SLC25A21: variants seen among roughly 807,000 people sequenced by gnomAD.
The protein encoded by SLC25A21 is solute carrier family 25 member 21.
Under a neutral mutation model 43.8 loss-of-function variants are expected in SLC25A21, and 47 were observed. The observed-to-expected ratio is 1.07, with a 90% confidence interval of 0.85 to 1.37. SLC25A21 has a LOEUF of 1.37. Ranked by LOEUF, SLC25A21 falls within the 40% of genes most tolerant of loss-of-function variation. The pLI is 0.00. For missense variants in SLC25A21, 352 were observed against 350.2 expected, an observed-to-expected ratio of 1.00 and a Z score of -0.04; for synonymous variants, 131 against 121.3, an observed-to-expected ratio of 1.08 and a Z score of -0.52.
chr14:36,748,000 T>C (rs1327429830), intron 3 of SLC25A21, among the ~76,000 whole-genome samples: 1 of 152,224 alleles, frequency 6.6e-6, no homozygotes, highest in East Asian at 1.9e-4. Context: ...TGCACAATGC[T>C]TTACAATTAT....
chr14:36,785,224 T>A (rs1887204523), intron 3 of SLC25A21, among the ~76,000 whole-genome samples: 1 of 152,204 alleles, frequency 6.6e-6, no homozygotes, highest in African/African-American at 2.4e-5. Context: ...TGGGGCAAAG[T>A]GAACCACATG....
chr14:37,109,615 G>C (rs1426538918), intron 1 of SLC25A21, among the ~76,000 whole-genome samples: 1 of 152,140 alleles, frequency 6.6e-6, no homozygotes, highest in Admixed American at 6.6e-5. Flanking sequence ...ATTAATGAAT[G>C]ATGTTGTGCA....
intron 3 of SLC25A21, among the ~76,000 whole-genome samples, chr14:36,753,901 TGGC>T (rs1885810851): frequency 7.0e-6 from 1 of 142,242 alleles, no homozygotes; most frequent in South Asian, 2.3e-4. Flanking sequence ...AATCTTGAGA[TGGC>T]TCTCTCACTG....
intron 3 of SLC25A21, among the ~76,000 whole-genome samples, chr14:36,786,966 C>T (rs1185730647): frequency 2.0e-5 from 3 of 152,198 alleles, no homozygotes; most frequent in East Asian, 3.8e-4. Context: ...ATAAAATAAA[C>T]ACACACAGCC....
At chr14:37,149,545 A>T (rs1408479594) in intron 1 of SLC25A21, among the ~76,000 whole-genome samples, 1 of 152,036 alleles carries the variant, frequency 6.6e-6, no homozygotes, top group Non-Finnish European at 1.5e-5. Context: ...AAATACAAAA[A>T]TTAGCTGGGC....
chr14:36,996,963 T>C (rs935444930), intron 1 of SLC25A21, among the ~76,000 whole-genome samples: 2 of 152,066 alleles, frequency 1.3e-5, no homozygotes, highest in Admixed American at 1.3e-4. Context: ...TTGACTTCAC[T>C]AAGGGTAAGA....
chr14:36,821,432 T>C (rs568718587), intron 2 of SLC25A21, among the ~76,000 whole-genome samples: 1 of 152,288 alleles, frequency 6.6e-6, no homozygotes, highest in South Asian at 2.1e-4. Context: ...AGCTTTACTC[T>C]TCCAAGTTGA....
chr14:37,135,584 G>C (rs1200791714), intron 1 of SLC25A21, among the ~76,000 whole-genome samples: 2 of 152,120 alleles, frequency 1.3e-5, no homozygotes, highest in Non-Finnish European at 2.9e-5. Context: ...AAATTTACTT[G>C]ACATCATTTT....
intron 1 of SLC25A21, among the ~76,000 whole-genome samples, chr14:37,038,011 C>T (rs147009873): frequency 4.0e-4 from 61 of 152,268 alleles, no homozygotes; most frequent in African/African-American, 1.3e-3. Flanking sequence ...AAACTTAAAG[C>T]TCCCTGTGGG....
chr14:37,136,843 C>T (rs1963488983), intron 1 of SLC25A21, among the ~76,000 whole-genome samples: 1 of 151,960 alleles, frequency 6.6e-6, no homozygotes, highest in Non-Finnish European at 1.5e-5. Flanking sequence ...GTAAGACATT[C>T]TGGAAAAGAA....
At chr14:36,849,717 T>C (rs564066546) in intron 2 of SLC25A21, among the ~76,000 whole-genome samples, 1 of 152,322 alleles carries the variant, frequency 6.6e-6, no homozygotes, top group African/African-American at 2.4e-5. Context: ...TATCTAGATC[T>C]CTGGTGGCCC....
chr14:37,078,052 A>C (rs1455469914), intron 1 of SLC25A21, among the ~76,000 whole-genome samples: 1 of 152,190 alleles, frequency 6.6e-6, no homozygotes, highest in Non-Finnish European at 1.5e-5. Context: ...AACTAGAGAC[A>C]GTGGATTTAA....
At chr14:36,915,320 G>A (rs1482025130) in intron 1 of SLC25A21, among the ~76,000 whole-genome samples, 2 of 152,096 alleles carry the variant, frequency 1.3e-5, no homozygotes, top group Admixed American at 6.6e-5. Context: ...GAATTAACCT[G>A]TCTTTAACAA....
intron 7 of SLC25A21, among the ~76,000 whole-genome samples, chr14:36,704,859 T>C (rs1175147734): frequency 6.6e-6 from 1 of 152,092 alleles, no homozygotes; most frequent in Non-Finnish European, 1.5e-5. Context: ...TATCTGAAAA[T>C]GGCAGTTATT....
intron 3 of SLC25A21, among the ~76,000 whole-genome samples, chr14:36,755,002 C>G (rs1243978707): frequency 5.3e-5 from 8 of 152,018 alleles, no homozygotes; most frequent in Non-Finnish European, 8.8e-5. Flanking sequence ...ACTGTAAATG[C>G]TCAGAAAATA....
chr14:37,143,285 G>C (rs1468762798), intron 1 of SLC25A21, among the ~76,000 whole-genome samples: 2 of 152,204 alleles, frequency 1.3e-5, no homozygotes, highest in African/African-American at 4.8e-5. Context: ...GAAGCTTGGT[G>C]AACTAAGCAC....
intron 1 of SLC25A21, among the ~76,000 whole-genome samples, chr14:36,986,994 T>C (rs1689872757): frequency 6.6e-6 from 1 of 152,126 alleles, no homozygotes. Context: ...TGAAACACCA[T>C]GAGACTCTCT....
At chr14:37,081,621 T>C (rs933189682) in intron 1 of SLC25A21, among the ~76,000 whole-genome samples, 4 of 152,210 alleles carry the variant, frequency 2.6e-5, no homozygotes, top group South Asian at 4.1e-4. Context: ...AAAACCATTA[T>C]TGGCTTAACA....
At chr14:37,118,881 C>A (rs986575557) in intron 1 of SLC25A21, among the ~76,000 whole-genome samples, 7 of 152,062 alleles carry the variant, frequency 4.6e-5, no homozygotes, top group Non-Finnish European at 1.0e-4. Context: ...ATAAGTCTGA[C>A]ACCTACTGGG....
Sources: gnomAD v4.1 joint callset for allele counts (sites outside exome capture counted in the v4.1 genomes callset) on GRCh38, gnomAD v4.1.1 for gene constraint, MANE v1.5 for transcripts, NCBI Gene and HGNC (gene_info 2026-07-23, HGNC 2026-07-21) for gene names.